Variants in CASK observed in about 807,000 individuals in gnomAD.
CASK encodes peripheral plasma membrane protein CASK.
In CASK, 4 loss-of-function variants were observed where a neutral mutation model predicts 82.9. The observed-to-expected ratio is 0.05, with a 90% CI of 0.02 to 0.11. The LOEUF is 0.11. CASK is among the 10% of genes least tolerant of loss of function. CASK has a pLI of 1.00. For synonymous variants in CASK, 259 were observed against 253.5 expected (o/e 1.02, Z -0.20); for missense variants, 358 against 720.9 (o/e 0.50, Z 5.76).
intron 3 of CASK, among the ~76,000 whole-genome samples, chrX:41,776,500 A>C (rs1360338216): frequency 8.9e-6 from 1 of 112,679 alleles, no homozygotes; most frequent in Non-Finnish European, 1.9e-5. Context: ...AAAAGATGTA[A>C]AAAAGTTGGA....
intron 5 of CASK, among the ~76,000 whole-genome samples, chrX:41,723,006 T>C (rs1401003575): frequency 1.8e-5 from 2 of 112,117 alleles, no homozygotes; most frequent in Non-Finnish European, 3.8e-5. Context: ...CATGTAACCC[T>C]GGATGAGTCA....
rs372992298 is a variant in CASK at position 41,788,158 on chromosome X, C to CAA, written c.173-877_173-876dup. On this transcript the variant is annotated intron_variant, in intron 2 of 26. Transcript: ENST00000378163. ...GGCAACAAAGAGTGAAACTCTGTCT[C>CAA]AAAAAAAAAAAAAAAAAAAAAGTGT... is the stretch of plus-strand genomic sequence containing the variant. Among the ~76,000 whole-genome samples the CAA allele has an allele frequency of 4.5e-3, 187 of 41,942 alleles. 2 individuals are homozygous for CAA. The highest frequency in any genetic ancestry group is 0.016 in the African/African-American group (167 of 10,492). 36.4% of individuals were successfully genotyped at this position (41,942 alleles called of 115,157 possible).
intron 3 of CASK, among the ~76,000 whole-genome samples, chrX:41,750,580 G>T (rs1229731692): frequency 8.9e-6 from 1 of 112,001 alleles, no homozygotes; most frequent in Non-Finnish European, 1.9e-5. Context: ...GAAATTAAGG[G>T]CAGTTTAGTC....
intron 1 of CASK, among the ~76,000 whole-genome samples, chrX:41,870,710 T>G (rs2071691751): frequency 8.9e-6 from 1 of 112,014 alleles, no homozygotes; most frequent in Admixed American, 9.4e-5. Context: ...CTAATGAGAC[T>G]GACTAATATT....
At chrX:41,812,323 T>G (rs888481810) in intron 2 of CASK, among the ~76,000 whole-genome samples, 4 of 111,529 alleles carry the variant, frequency 3.6e-5, no homozygotes, top group Non-Finnish European at 5.7e-5. Flanking sequence ...CTGATGAACA[T>G]CGATGCAAAA....
chrX:41,708,859 C>G (rs889229427), intron 5 of CASK, among the ~76,000 whole-genome samples: 6 of 110,968 alleles, frequency 5.4e-5, no homozygotes, highest in Non-Finnish European at 9.4e-5. Context: ...TTTCTTCTTT[C>G]CAGTTTTTTT....
At chrX:41,892,027 AAC>A (rs1030924082) in intron 1 of CASK, among the ~76,000 whole-genome samples, 1 of 109,901 alleles carries the variant, frequency 9.1e-6, no homozygotes, top group African/African-American at 3.3e-5. Flanking sequence ...CCATCTCTAA[AAC>A]AAACAAACAA....
At chrX:41,808,447 G>A (rs1004654396) in intron 2 of CASK, among the ~76,000 whole-genome samples, 14 of 112,053 alleles carry the variant, frequency 1.2e-4, no homozygotes, top group African/African-American at 3.9e-4. Flanking sequence ...TTAGCAAGGC[G>A]TCTCACATCA....
chrX:41,602,719 CT>C (rs34064822), intron 12 of CASK, among the ~76,000 whole-genome samples: 1,837 of 75,071 alleles, frequency 0.024, 9 homozygotes, highest in Middle Eastern at 0.1. Flanking sequence ...TGCTTAGCGG[CT>C]TTTTTTTTTT....
intron 22 of CASK, among the ~76,000 whole-genome samples, chrX:41,540,029 A>C (rs1395569208): frequency 1.8e-5 from 2 of 112,234 alleles, no homozygotes; most frequent in Non-Finnish European, 3.8e-5. Flanking sequence ...CTACAAAGAC[A>C]CTTAAGGGGC....
intron 25 of CASK, among the ~76,000 whole-genome samples, chrX:41,527,609 A>C (rs1569285817): frequency 8.9e-6 from 1 of 112,111 alleles, no homozygotes; most frequent in Non-Finnish European, 1.9e-5. Context: ...ATCTCAAGAG[A>C]GATAACTGAT....
intron 1 of CASK, among the ~76,000 whole-genome samples, chrX:41,908,545 C>T (rs1032106323): frequency 8.9e-6 from 1 of 111,974 alleles, no homozygotes; most frequent in African/African-American, 3.2e-5. Flanking sequence ...ACCAAGGACA[C>T]ACCAGCACAC....
At chrX:41,548,375 GTTTTC>G in intron 21 of CASK, among the ~76,000 whole-genome samples, 1 of 111,921 alleles carries the variant, frequency 8.9e-6, no homozygotes, top group Non-Finnish European at 1.9e-5. Flanking sequence ...CTGGTATGTA[GTTTTC>G]TTTTCTTGAA....
At chrX:41,849,271 T>C (rs1439724138) in intron 2 of CASK, among the ~76,000 whole-genome samples, 1 of 112,198 alleles carries the variant, frequency 8.9e-6, no homozygotes. Context: ...TACTTTCCTT[T>C]AGTTTCCTTA....
At chrX:41,675,702 C>G (rs750305508) in intron 5 of CASK, 14 of 1,060,410 alleles carry the variant, frequency 1.3e-5, no homozygotes, top group Non-Finnish European at 1.8e-5. Flanking sequence ...GCATGGATGA[C>G]AAATGGTCTA....
chrX:41,885,956 G>T (rs1323444490), intron 1 of CASK, among the ~76,000 whole-genome samples: 1 of 112,131 alleles, frequency 8.9e-6, no homozygotes, highest in African/African-American at 3.2e-5. Context: ...CACATATGTG[G>T]CTTTTTCTTA....
intron 7 of CASK, among the ~76,000 whole-genome samples, chrX:41,661,687 A>G (rs1309927196): frequency 2.7e-5 from 3 of 109,311 alleles, no homozygotes; most frequent in Non-Finnish European, 5.7e-5. Flanking sequence ...TTTTCCCCCC[A>G]ACAGGCAGAA....
intron 1 of CASK, among the ~76,000 whole-genome samples, chrX:41,907,822 C>T (rs1007477743): frequency 9.3e-6 from 1 of 107,369 alleles, no homozygotes; most frequent in Non-Finnish European, 1.9e-5. Context: ...CGATGGGGAC[C>T]GGGGTGGGGG....
At chrX:41,770,892 CAT>C (rs2069234183) in intron 3 of CASK, among the ~76,000 whole-genome samples, 1 of 110,634 alleles carries the variant, frequency 9.0e-6, no homozygotes, top group African/African-American at 3.3e-5. Flanking sequence ...AGGTAGAAGA[CAT>C]AGAAAATACC....
Sources: allele counts gnomAD v4.1 joint callset (sites outside exome capture counted in the v4.1 genomes callset), GRCh38; gene constraint gnomAD v4.1.1; transcripts MANE v1.5; gene names NCBI Gene and HGNC (gene_info 2026-07-23, HGNC 2026-07-21).